The following MAK variants were observed in gnomAD, a reference collection of about 807,000 sequenced individuals.
The protein encoded by MAK is serine/threonine-protein kinase MAK.
MAK carries 65 observed loss-of-function variants against 82.6 expected under a neutral mutation model. The ratio of observed to expected loss-of-function variants is 0.79; its 90% CI spans 0.64 to 0.97. The LOEUF (loss-of-function observed/expected upper bound fraction) is 0.97. Ranked by LOEUF, MAK falls within the 50% of genes least tolerant of loss-of-function variation. MAK has a pLI of 0.00. For synonymous variants in MAK, 250 were observed against 274.2 expected (o/e 0.91, Z 0.87); for missense variants, 703 against 780.2 (o/e 0.90, Z 1.18).
intron 11 of MAK, among the ~76,000 whole-genome samples, chr6:10,778,470 T>C (rs969339707): frequency 1.3e-5 from 2 of 152,190 alleles, no homozygotes; most frequent in Non-Finnish European, 2.9e-5. Context: ...ACCTTGGCGA[T>C]GACCTTCAGC....
chr6:10,786,253 T>C (rs945383075), intron 10 of MAK, among the ~76,000 whole-genome samples: 3 of 152,102 alleles, frequency 2.0e-5, no homozygotes, highest in Admixed American at 2.0e-4. Flanking sequence ...TCAATCATAA[T>C]AATAATTTAA....
chr6:10,778,675 G>A (rs1773675722), intron 11 of MAK, among the ~76,000 whole-genome samples: 1 of 152,206 alleles, frequency 6.6e-6, no homozygotes, highest in East Asian at 1.9e-4. Context: ...GCTGGAGAGG[G>A]GAGGAGGGGC....
intron 14 of MAK, among the ~76,000 whole-genome samples, chr6:10,766,522 C>G (rs762220029): frequency 2.0e-5 from 3 of 152,192 alleles, no homozygotes; most frequent in Non-Finnish European, 4.4e-5. Flanking sequence ...CTAACAAAGT[C>G]AGGGACAATG....
intron 2 of MAK, chr6:10,827,551 T>C (rs1778476070): frequency 6.6e-6 from 1 of 152,248 alleles, no homozygotes; most frequent in Non-Finnish European, 1.5e-5. Flanking sequence ...TTTGTACTGA[T>C]ATTACTTCTG....
chr6:10,810,097 C>CA (rs1289360594), intron 5 of MAK, among the ~76,000 whole-genome samples: 915 of 35,896 alleles, frequency 0.025, 27 homozygotes, highest in Admixed American at 0.064. Context: ...GACACTGTCT[C>CA]AAAAAAAAAA....
At chr6:10,835,050 CA>C (rs1166974486) in intron 1 of MAK, among the ~76,000 whole-genome samples, 1 of 152,198 alleles carries the variant, frequency 6.6e-6, no homozygotes, top group Non-Finnish European at 1.5e-5. Flanking sequence ...AACATGGTCG[CA>C]CCGCTCCCCC....
intron 1 of MAK, among the ~76,000 whole-genome samples, chr6:10,832,601 A>AT (rs892458480): frequency 4.2e-4 from 62 of 148,970 alleles, no homozygotes; most frequent in Non-Finnish European, 6.4e-4. Context: ...TAGCAATAAG[A>AT]TTTTTTTTTT....
rs1554184483 is a variant in MAK, at chr6:10,815,912, G to GTGTGTATATATATATA, written c.278+1937_278+1938insTATATATATATACACA. ...TACTGTATTAGTGTAGCTTTATACAGTATATATATATATATATATATATAT... is the reference window on the plus strand; with the variant it reads ...TACTGTATTAGTGTAGCTTTATACAGTGTGTATATATATATATATATATATATATATATATATATAT... On this transcript the variant is annotated intron_variant, in intron 4 of 14. Coordinates refer to ENST00000354489, the MANE Select transcript of MAK (RefSeq NM_001242957.3). 2.5e-3 allele frequency among the ~76,000 whole-genome samples: 274 copies of GTGTGTATATATATATA among 108,120 alleles called. 2 individuals carry two copies. Among genetic ancestry groups the GTGTGTATATATATATA allele is most frequent in the Middle Eastern group, 0.011 (2 of 190 alleles). The allele number at this position is 108,120 out of a possible 152,430, so 70.9% of individuals were successfully genotyped here.
At chr6:10,783,873 G>T (rs1430746059) in intron 11 of MAK, among the ~76,000 whole-genome samples, 3 of 152,110 alleles carry the variant, frequency 2.0e-5, no homozygotes, top group Admixed American at 1.3e-4. Flanking sequence ...GCAAAAATTA[G>T]CCAGGCGTGG....
At chr6:10,770,928 G>A (rs1185137249) in intron 13 of MAK, among the ~76,000 whole-genome samples, 1 of 152,098 alleles carries the variant, frequency 6.6e-6, no homozygotes, top group Non-Finnish European at 1.5e-5. Context: ...GAAGAAGAAG[G>A]GAACTAAGCA....
At chr6:10,801,036 A>G (rs965236503) in intron 8 of MAK, among the ~76,000 whole-genome samples, 6 of 152,010 alleles carry the variant, frequency 3.9e-5, no homozygotes, top group Non-Finnish European at 8.8e-5. Flanking sequence ...CTATTTGTCA[A>G]TTCTTATGCC....
At chr6:10,824,731 A>T (rs1313550043) in intron 2 of MAK, among the ~76,000 whole-genome samples, 1 of 152,092 alleles carries the variant, frequency 6.6e-6, no homozygotes, top group Non-Finnish European at 1.5e-5. Context: ...CTTTCTTAAC[A>T]ACTCAGTAAC....
chr6:10,838,272 TC>T (rs1409399675), intron 1 of MAK: 2 of 152,272 alleles, frequency 1.3e-5, no homozygotes, highest in East Asian at 3.9e-4. Flanking sequence ...CCGACCGCCT[TC>T]CCTCGGGCTG....
At chr6:10,805,497 G>T (rs936268366) in intron 6 of MAK, among the ~76,000 whole-genome samples, 9 of 151,018 alleles carry the variant, frequency 6.0e-5, no homozygotes, top group Non-Finnish European at 1.2e-4. Context: ...TGAGGCAGGA[G>T]AATCACTTGA....
intron 2 of MAK, among the ~76,000 whole-genome samples, chr6:10,820,123 T>A (rs527731012): frequency 0.013 from 1,944 of 151,118 alleles, 44 homozygotes; most frequent in African/African-American, 0.045. Flanking sequence ...AAAAAAAAAA[T>A]TTAAAAAAAA....
chr6:10,808,476 G>A (rs1459403888), intron 6 of MAK, among the ~76,000 whole-genome samples: 1 of 152,072 alleles, frequency 6.6e-6, no homozygotes, highest in African/African-American at 2.4e-5. Flanking sequence ...CTGTCTATTG[G>A]CTGTCATGTA....
intron 4 of MAK, among the ~76,000 whole-genome samples, chr6:10,815,915 T>C (rs1177013862): frequency 3.1e-3 from 78 of 25,044 alleles, no homozygotes; most frequent in Middle Eastern, 0.01. Flanking sequence ...TTATACAGTA[T>C]ATATATATAT....
At position 10,830,577 on chromosome 6, in the gene MAK, A is replaced by G; in HGVS notation, c.72T>C (p.Asn24=). The G allele has an allele frequency of 6.2e-7, 1 of 1,614,092 alleles. No homozygotes were observed. Among genetic ancestry groups the G allele is most frequent in the Admixed American group, 1.7e-5 (1 of 60,008 alleles). The change falls in exon 2 of 15, where the codon AAT becomes AAC. Residue 24 remains asparagine (N), a synonymous_variant. Coordinates refer to ENST00000354489, the MANE Select transcript of MAK (RefSeq NM_001242957.3). ...TGATGGCCACCAGCTCCCCGGATTCATTACTCTTGCCCATAAGCACACTCC... is the reference window on the plus strand; with the variant it reads ...TGATGGCCACCAGCTCCCCGGATTCGTTACTCTTGCCCATAAGCACACTCC... ...TYGSVLMGKS[N]ESGELVAIKR...
At chr6:10,830,154 T>C (rs978934385) in intron 2 of MAK, among the ~76,000 whole-genome samples, 4 of 143,988 alleles carry the variant, frequency 2.8e-5, no homozygotes, top group Non-Finnish European at 4.5e-5. Flanking sequence ...TGTGTGTGTG[T>C]GTGCGTGTGC....
Sources: gnomAD v4.1 joint callset for allele counts (sites outside exome capture counted in the v4.1 genomes callset) on GRCh38, gnomAD v4.1.1 for gene constraint, MANE v1.5 for transcripts, NCBI Gene and HGNC (gene_info 2026-07-23, HGNC 2026-07-21) for gene names.